Variants in GPR158 observed in about 807,000 individuals in gnomAD.
The protein encoded by GPR158 is G protein-coupled receptor 158, also known as metabotropic glycine receptor.
GPR158 carries 30 observed loss-of-function variants against 78.2 expected under a neutral mutation model. That is an observed-to-expected ratio of 0.38 (90% CI 0.29 to 0.52). The LOEUF (loss-of-function observed/expected upper bound fraction) is 0.52, where lower values mean the gene tolerates loss of function less well. Ranked by LOEUF, GPR158 falls within the 20% of genes least tolerant of loss-of-function variation. The pLI is 0.83. For synonymous variants in GPR158, 581 were observed against 591.1 expected, an observed-to-expected ratio of 0.98 and a Z score of 0.25; for missense variants, 1,463 against 1,523.5, an observed-to-expected ratio of 0.96 and a Z score of 0.66.
intron 4 of GPR158, among the ~76,000 whole-genome samples, chr10:25,435,517 T>A (rs1834987286): frequency 6.6e-6 from 1 of 152,090 alleles, no homozygotes; most frequent in Admixed American, 6.5e-5. Context: ...CAGCTTGAAG[T>A]GTCCTAGAAA....
chr10:25,543,400 C>T (rs534278995), intron 5 of GPR158, among the ~76,000 whole-genome samples: 7 of 152,244 alleles, frequency 4.6e-5, no homozygotes, highest in East Asian at 3.9e-4. Context: ...GGATTACAGG[C>T]GTGAGCCACT....
At chr10:25,194,748 T>G (rs948124576) in intron 1 of GPR158, among the ~76,000 whole-genome samples, 13 of 152,286 alleles carry the variant, frequency 8.5e-5, no homozygotes, top group Non-Finnish European at 1.8e-4. Context: ...GAATTTGGTT[T>G]CGTTATATTC....
intron 5 of GPR158, among the ~76,000 whole-genome samples, chr10:25,480,034 C>G (rs989197081): frequency 1.3e-5 from 2 of 152,000 alleles, no homozygotes. Flanking sequence ...CATTTTTCTC[C>G]TCTACATCCC....
At chr10:25,291,108 A>T (rs548499926) in intron 2 of GPR158, among the ~76,000 whole-genome samples, 11 of 152,206 alleles carry the variant, frequency 7.2e-5, no homozygotes, top group Admixed American at 7.2e-4. Flanking sequence ...TGTATTGTGA[A>T]TTGCCATCTT....
intron 4 of GPR158, among the ~76,000 whole-genome samples, chr10:25,419,665 T>C (rs1331122189): frequency 6.6e-6 from 1 of 152,082 alleles, no homozygotes; most frequent in Non-Finnish European, 1.5e-5. Context: ...TGTTGTTTTG[T>C]TGTTGTTGTT....
chr10:25,326,885 T>C (rs1020198808), intron 2 of GPR158, among the ~76,000 whole-genome samples: 13 of 152,334 alleles, frequency 8.5e-5, no homozygotes, highest in East Asian at 1.9e-4. Context: ...ATTTGACTTA[T>C]GGCTTTTTCA....
At chr10:25,362,102 G>C (rs79545266) in intron 2 of GPR158, among the ~76,000 whole-genome samples, 1 of 151,792 alleles carries the variant, frequency 6.6e-6, no homozygotes, top group Non-Finnish European at 1.5e-5. Flanking sequence ...TAGAAGTTTC[G>C]TGGCTTTAGA....
At chr10:25,509,862 T>TATAA (rs1836060986) in intron 5 of GPR158, among the ~76,000 whole-genome samples, 1 of 152,142 alleles carries the variant, frequency 6.6e-6, no homozygotes, top group Non-Finnish European at 1.5e-5. Flanking sequence ...TATAAGTGTG[T>TATAA]GCCACTGCAC....
intron 5 of GPR158, among the ~76,000 whole-genome samples, chr10:25,536,298 T>G (rs1238621437): frequency 6.6e-6 from 1 of 152,232 alleles, no homozygotes; most frequent in Non-Finnish European, 1.5e-5. Flanking sequence ...TTATTTGTTA[T>G]ATTAAATCTC....
intron 1 of GPR158, among the ~76,000 whole-genome samples, chr10:25,204,409 T>C (rs965520471): frequency 6.6e-6 from 1 of 152,186 alleles, no homozygotes; most frequent in African/African-American, 2.4e-5. Flanking sequence ...ATAGCTCTTA[T>C]TATTTTGAGA....
intron 4 of GPR158, among the ~76,000 whole-genome samples, chr10:25,452,865 T>C (rs1835240113): frequency 1.3e-5 from 2 of 152,146 alleles, no homozygotes; most frequent in African/African-American, 2.4e-5. Flanking sequence ...TTTTTACTCT[T>C]TGATCAGTAT....
intron 2 of GPR158, among the ~76,000 whole-genome samples, chr10:25,291,483 C>G (rs1190802383): frequency 6.6e-6 from 1 of 151,978 alleles, no homozygotes; most frequent in African/African-American, 2.4e-5. Flanking sequence ...TTCAACATCA[C>G]TCTAATGTCA....
intron 1 of GPR158, among the ~76,000 whole-genome samples, chr10:25,188,680 CT>C (rs1489249384): frequency 6.6e-6 from 1 of 152,132 alleles, no homozygotes; most frequent in East Asian, 1.9e-4. Flanking sequence ...CATAAAAACC[CT>C]TGAAGAAAAC....
In GPR158 at chr10:25,208,486, A is replaced by G. The variant is rs1265935391; in HGVS notation, c.903-12566A>G. On this transcript the variant is annotated intron_variant, in intron 1 of 10. Transcript: ENST00000376351. The stretch of plus-strand genomic sequence containing the variant: ...TGTACATCTTATATTGGTATATATG[A>G]TATTCTTCTATCAACCATCTCATCA... 4.0e-5 allele frequency among the ~76,000 whole-genome samples: 6 copies of G among 151,558 alleles called. No individual in the cohort carries two copies. The East Asian group carries it at 1.2e-3, about 29-fold the overall frequency.
At chr10:25,221,317 A>AT (rs1406094419) in intron 2 of GPR158, among the ~76,000 whole-genome samples, 160 bp downstream of exon 2, 1 of 152,196 alleles carries the variant, frequency 6.6e-6, no homozygotes. Context: ...AGAAAATAAA[A>AT]TTTGTATAGA....
At chr10:25,368,633 T>A (rs1005031535) in intron 2 of GPR158, among the ~76,000 whole-genome samples, 1 of 151,846 alleles carries the variant, frequency 6.6e-6, no homozygotes, top group Admixed American at 6.6e-5. Flanking sequence ...ACTCTGTTGG[T>A]GGGAGTGTAA....
chr10:25,531,663 A>T (rs1836424475), intron 5 of GPR158, among the ~76,000 whole-genome samples: 1 of 152,212 alleles, frequency 6.6e-6, no homozygotes. Context: ...GGGAATTTAT[A>T]AGGATCTGGT....
intron 2 of GPR158, among the ~76,000 whole-genome samples, chr10:25,241,455 C>G (rs1224038711): frequency 1.4e-5 from 2 of 139,924 alleles, no homozygotes; most frequent in African/African-American, 5.6e-5. Flanking sequence ...GAGTCTTGCT[C>G]CATCTCCCAG....
chr10:25,308,866 G>A (rs574845362), intron 2 of GPR158, among the ~76,000 whole-genome samples: 24 of 152,188 alleles, frequency 1.6e-4, no homozygotes, highest in Admixed American at 3.9e-4. Context: ...CATCTGTGTC[G>A]TAGCATTTGT....
Sources: allele counts gnomAD v4.1 joint callset (sites outside exome capture counted in the v4.1 genomes callset), GRCh38; gene constraint gnomAD v4.1.1; transcripts MANE v1.5; gene names NCBI Gene and HGNC (gene_info 2026-07-23, HGNC 2026-07-21).